MYO18B: variants seen among roughly 807,000 people sequenced by gnomAD.
MYO18B encodes unconventional myosin-XVIIIb.
Under a neutral mutation model 273.0 loss-of-function variants are expected in MYO18B, and 204 were observed. The ratio of observed to expected loss-of-function variants is 0.75; its 90% confidence interval spans 0.67 to 0.84. The LOEUF is 0.84. Among genes scored for constraint, MYO18B ranks in the 40% least tolerant of loss-of-function variants. The pLI, the probability that MYO18B is intolerant of heterozygous loss-of-function variation, is 0.00. For missense variants in MYO18B, 3,212 were observed against 3,287.6 expected, an observed-to-expected ratio of 0.98 and a Z score of 0.56; for synonymous variants, 1,330 against 1,305.7, an observed-to-expected ratio of 1.02 and a Z score of -0.40.
chr22:25,759,277 G>T (rs1261920665), intron 1 of MYO18B, among the ~76,000 whole-genome samples: 1 of 152,100 alleles, frequency 6.6e-6, no homozygotes, highest in Non-Finnish European at 1.5e-5. Context: ...GACTTGGAAC[G>T]AACCCCAATG....
chr22:26,050,287 G>A, the MYO18B span, among the ~76,000 whole-genome samples: 2 of 152,228 alleles, frequency 1.3e-5, no homozygotes, highest in Non-Finnish European at 2.9e-5. Flanking sequence ...CACACCGGAA[G>A]TATGTCGTGC....
rs1324479918 is a variant in MYO18B at position 25,955,325 on chromosome 22, G to A, written c.6117G>A (p.Val2039=). 18 of 1,613,636 alleles carry A rather than the reference G, an allele frequency of 1.1e-5. No homozygotes were observed. Among genetic ancestry groups the A allele is most frequent in the South Asian group, 5.5e-5 (5 of 91,054 alleles). ...EELKADMEEL[V]QREAEASRRC... Reference sequence around the variant, plus strand: ...TGAAGGCCGACATGGAAGAGCTGGTGCAGCGGGAGGCAGAGGCCAGCCGGC... The same window carrying A: ...TGAAGGCCGACATGGAAGAGCTGGTACAGCGGGAGGCAGAGGCCAGCCGGC... Residue 2039 remains valine, a synonymous_variant, in exon 39 of 44, where the codon GTG becomes GTA. Coordinates refer to ENST00000335473, the MANE Select transcript of MYO18B (RefSeq NM_032608.7).
chr22:26,025,250 T>G (rs1235523971), intron 42 of MYO18B, among the ~76,000 whole-genome samples: 2 of 152,204 alleles, frequency 1.3e-5, no homozygotes, highest in Non-Finnish European at 2.9e-5. Flanking sequence ...AAGGGAGCTT[T>G]GGGTTGGCTT....
the MYO18B span, among the ~76,000 whole-genome samples, chr22:26,060,898 CAT>C: frequency 0.024 from 2,521 of 103,984 alleles, 87 homozygotes; most frequent in African/African-American, 0.17. Flanking sequence ...CATATACACA[CAT>C]ATACACAAAC....
At chr22:26,049,608 C>T in the MYO18B span, among the ~76,000 whole-genome samples, 1 of 152,220 alleles carries the variant, frequency 6.6e-6, no homozygotes, top group Non-Finnish European at 1.5e-5. Flanking sequence ...TTCATAAGTA[C>T]AGAAGTGAGA....
chr22:25,894,324 G>T (rs1053252516), intron 27 of MYO18B, among the ~76,000 whole-genome samples: 2 of 152,142 alleles, frequency 1.3e-5, no homozygotes, highest in Non-Finnish European at 2.9e-5. Context: ...ATGGATGGAA[G>T]GATGGATGGA....
chr22:25,865,649 G>A (rs1233564323), intron 21 of MYO18B, among the ~76,000 whole-genome samples: 1 of 152,166 alleles, frequency 6.6e-6, no homozygotes, highest in African/African-American at 2.4e-5. Flanking sequence ...CTGAGGCTCG[G>A]AGTAAAGCAC....
the MYO18B span, among the ~76,000 whole-genome samples, chr22:26,036,685 G>T: frequency 6.6e-6 from 1 of 152,088 alleles, no homozygotes; most frequent in Non-Finnish European, 1.5e-5. Flanking sequence ...CAAAGGGTAG[G>T]GGAAGACATG....
intron 36 of MYO18B, among the ~76,000 whole-genome samples, chr22:25,948,982 T>G (rs2092760861): frequency 6.6e-6 from 1 of 152,032 alleles, no homozygotes; most frequent in South Asian, 2.1e-4. Context: ...ACAAAGGGCC[T>G]GTGATGGTGC....
At chr22:25,998,205 G>A (rs143318703) in intron 40 of MYO18B, among the ~76,000 whole-genome samples, 22 of 152,282 alleles carry the variant, frequency 1.4e-4, no homozygotes, top group Non-Finnish European at 2.9e-4. Context: ...AACTTGCACT[G>A]TGGCATCAAC....
intron 12 of MYO18B, among the ~76,000 whole-genome samples, chr22:25,818,598 G>A (rs1432357791): frequency 2.6e-5 from 4 of 152,080 alleles, no homozygotes; most frequent in Admixed American, 2.0e-4. Context: ...GAAGCTCTGG[G>A]GTGTGACCCA....
At chr22:25,911,178 G>A (rs1601552028) in intron 33 of MYO18B, 128 bp downstream of exon 33, 1 of 722,196 alleles carries the variant, frequency 1.4e-6, no homozygotes, top group East Asian at 2.7e-5. Context: ...CATATTCACT[G>A]GCTCTTCAAA....
intron 29 of MYO18B, chr22:25,901,419 A>G (rs2091932428): frequency 1.3e-5 from 2 of 152,172 alleles, no homozygotes; most frequent in South Asian, 4.2e-4. Flanking sequence ...GGAGGCTGAG[A>G]CAACTGAACA....
At chr22:26,007,633 G>A (rs1001021) in intron 42 of MYO18B, among the ~76,000 whole-genome samples, 9,056 of 152,226 alleles carry the variant, frequency 0.059, 527 homozygotes, top group East Asian at 0.2. Context: ...CTTTGAATAT[G>A]TTTATAGCTT....
intron 33 of MYO18B, 78 bp downstream of exon 33, chr22:25,911,128 GCCTGAGGGATACCCTCTCCTC>G: frequency 7.6e-6 from 8 of 1,051,228 alleles, no homozygotes; most frequent in South Asian, 6.8e-5. Flanking sequence ...GGAGAGAACA[GCCTGAGGGATACCCTCTCCTC>G]CATCAGCTCT....
At position 25,866,709 on chromosome 22, in the gene MYO18B, C is replaced by T. The variant is rs370660213; in HGVS notation, c.3886-1611C>T. Among the ~76,000 whole-genome samples, 157 of 141,572 alleles carry T rather than the reference C, an allele frequency of 1.1e-3. 2 individuals carry two copies. The South Asian group carries it at 0.017, about 15-fold the overall frequency. The allele number at this position is 141,572 out of a possible 152,430, so 92.9% of individuals were successfully genotyped here. Reference sequence around the variant, plus strand: ...CAAAAATTAGCCGGGCGTGGTGGCACATGCCTGTAGTCCCAGCTACTTGGG... The same window carrying T: ...CAAAAATTAGCCGGGCGTGGTGGCATATGCCTGTAGTCCCAGCTACTTGGG... On this transcript the variant is annotated intron_variant, in intron 21 of 43. Transcript: ENST00000335473.
intron 42 of MYO18B, among the ~76,000 whole-genome samples, chr22:26,011,313 A>G (rs1359248669): frequency 6.6e-6 from 1 of 152,088 alleles, no homozygotes; most frequent in African/African-American, 2.4e-5. Flanking sequence ...TGAACCAGTC[A>G]GAATGGACAA....
At chr22:25,895,888 T>TC (rs1237296840) in intron 28 of MYO18B, among the ~76,000 whole-genome samples, 9 of 152,090 alleles carry the variant, frequency 5.9e-5, no homozygotes, top group Non-Finnish European at 1.0e-4. Context: ...TCTGTGCTCC[T>TC]CCCCCAGTAG....
chr22:25,863,360 A>T (rs2090795438), intron 21 of MYO18B, among the ~76,000 whole-genome samples: 1 of 152,070 alleles, frequency 6.6e-6, no homozygotes, highest in Non-Finnish European at 1.5e-5. Context: ...CCTCACCCTT[A>T]GTTTGGATCA....
Sources: gnomAD v4.1 joint callset for allele counts (sites outside exome capture counted in the v4.1 genomes callset) on GRCh38, gnomAD v4.1.1 for gene constraint, MANE v1.5 for transcripts, NCBI Gene and HGNC (gene_info 2026-07-23, HGNC 2026-07-21) for gene names.